NHSL3: variants seen among roughly 807,000 people sequenced by gnomAD.
NHSL3 encodes NHS like 3.
At chr1:32,753,841 C>T in the NHSL3 span, among the ~76,000 whole-genome samples, 8 of 152,182 alleles carry the variant, frequency 5.3e-5, no homozygotes, top group Non-Finnish European at 1.2e-4. Context: ...CTAGGCTGGG[C>T]GGCTCAGCCG....
At chr1:32,765,747 C>T in the NHSL3 span, 3 of 1,546,950 alleles carry the variant, frequency 1.9e-6, no homozygotes, top group Non-Finnish European at 8.7e-7. Context: ...GGATAGGGAA[C>T]GTCTCGAGTG....
the NHSL3 span, among the ~76,000 whole-genome samples, chr1:32,761,860 GT>G: frequency 3.3e-5 from 5 of 152,244 alleles, no homozygotes; most frequent in Admixed American, 3.3e-4. Context: ...GGGAAGGTAG[GT>G]GGTCGAGAAA....
the NHSL3 span, among the ~76,000 whole-genome samples, chr1:32,744,238 T>A: frequency 6.6e-6 from 1 of 152,160 alleles, no homozygotes; most frequent in Non-Finnish European, 1.5e-5. Context: ...GAGGCAGGTC[T>A]TGATTCCTCT....
chr1:32,750,525 G>A, the NHSL3 span, among the ~76,000 whole-genome samples: 8 of 152,070 alleles, frequency 5.3e-5, no homozygotes, highest in Non-Finnish European at 1.2e-4. Flanking sequence ...TTTATTTTTT[G>A]AGACAGAGTT....
At chr1:32,743,914 G>C in the NHSL3 span, among the ~76,000 whole-genome samples, 1 of 152,146 alleles carries the variant, frequency 6.6e-6, no homozygotes, top group Non-Finnish European at 1.5e-5. Context: ...GGTGGCCCTG[G>C]GTATGACTGG....
At chr1:32,765,721 C>T in the NHSL3 span, 1 of 1,545,388 alleles carries the variant, frequency 6.5e-7, no homozygotes, top group Non-Finnish European at 8.7e-7. Context: ...GCGCTCTGCT[C>T]TGGAGAGGCA....
At chr1:32,769,755 G>A in the NHSL3 span, 1 of 1,614,044 alleles carries the variant, frequency 6.2e-7, no homozygotes, top group Non-Finnish European at 8.5e-7. Context: ...GCACTGTGCT[G>A]GGACTCCCGC....
At chr1:32,766,488 T>C in the NHSL3 span, among the ~76,000 whole-genome samples, 1 of 152,012 alleles carries the variant, frequency 6.6e-6, no homozygotes, top group Non-Finnish European at 1.5e-5. Context: ...CTTTGAACCG[T>C]TTCCCCACTT....
At chr1:32,770,829 T>G in the NHSL3 span, 1 of 1,604,762 alleles carries the variant, frequency 6.2e-7, no homozygotes. This position sits in a 1 kb window ranked among gnomAD's most constrained non-coding sequence, Gnocchi z 8.3. Flanking sequence ...CAGCACCCTG[T>G]CCACCCAACC....
At chr1:32,770,060 G>C in the NHSL3 span, 1 of 1,567,268 alleles carries the variant, frequency 6.4e-7, no homozygotes. The surrounding 1 kb of genome is among the most constrained non-coding windows in gnomAD (Gnocchi z 8.3). Flanking sequence ...ATGCTGCAGC[G>C]CCACATTGAC....
At chr1:32,765,701 G>A in the NHSL3 span, 1 of 1,541,758 alleles carries the variant, frequency 6.5e-7, no homozygotes, top group East Asian at 2.4e-5. Flanking sequence ...TTACAGTGAA[G>A]GTACGCCCCG....
chr1:32,771,834 G>C, the NHSL3 span: 3 of 1,610,732 alleles, frequency 1.9e-6, no homozygotes, highest in Non-Finnish European at 2.5e-6. Context: ...CGCTCCTGCA[G>C]ATGGTGCGGC....
At chr1:32,744,465 G>A in the NHSL3 span, among the ~76,000 whole-genome samples, 12 of 152,124 alleles carry the variant, frequency 7.9e-5, no homozygotes, top group Non-Finnish European at 1.6e-4. Flanking sequence ...TTGACCAAAC[G>A]GATTTAAACT....
At chr1:32,769,846 T>A in the NHSL3 span, 2 of 1,611,488 alleles carry the variant, frequency 1.2e-6, no homozygotes, top group Non-Finnish European at 1.7e-6. Flanking sequence ...TCATCCCCTC[T>A]CTGCTGACCC....
chr1:32,757,366 T>G, the NHSL3 span, among the ~76,000 whole-genome samples: 19 of 112,344 alleles, frequency 1.7e-4, no homozygotes, highest in South Asian at 5.5e-4. Context: ...GGTTGAGGGG[T>G]GGGGTGGTGA....
chr1:32,757,657 C>T, the NHSL3 span, among the ~76,000 whole-genome samples: 1 of 152,082 alleles, frequency 6.6e-6, no homozygotes, highest in Non-Finnish European at 1.5e-5. Context: ...ATTCATTTGT[C>T]CTTTGTCCTC....
chr1:32,767,753 T>C, the NHSL3 span: 6 of 1,574,556 alleles, frequency 3.8e-6, no homozygotes, highest in South Asian at 7.0e-5. Flanking sequence ...CCAGATGCCT[T>C]TACCTCATTT....
the NHSL3 span, chr1:32,769,521 G>A: frequency 1.4e-5 from 9 of 658,066 alleles, no homozygotes; most frequent in Non-Finnish European, 2.2e-5. Context: ...CTTACAGAAA[G>A]AAGCCTCTAG....
chr1:32,745,659 C>A, the NHSL3 span, among the ~76,000 whole-genome samples: 2 of 152,046 alleles, frequency 1.3e-5, no homozygotes, highest in Non-Finnish European at 2.9e-5. Context: ...GCCTCAGTAT[C>A]CTTATCTGTA....
Sources: allele counts gnomAD v4.1 joint callset (sites outside exome capture counted in the v4.1 genomes callset), GRCh38; gene constraint gnomAD v4.1.1; non-coding constraint Gnocchi (gnomAD v3.1); transcripts MANE v1.5; gene names NCBI Gene and HGNC (gene_info 2026-07-23, HGNC 2026-07-21).